The following ZFR variants were observed in gnomAD, a reference collection of about 807,000 sequenced individuals.
The protein encoded by ZFR is zinc finger RNA-binding protein.
Under a neutral mutation model 130.7 loss-of-function variants are expected in ZFR, and 19 were observed. That is an observed-to-expected ratio of 0.15 (90% CI 0.10 to 0.21). The LOEUF (loss-of-function observed/expected upper bound fraction) is 0.21, where lower values mean the gene tolerates loss of function less well. Ranked by LOEUF, ZFR falls within the 10% of genes least tolerant of loss-of-function variation. ZFR has a pLI of 1.00. For synonymous variants in ZFR, 466 were observed against 456.9 expected (o/e 1.02, Z -0.25); for missense variants, 872 against 1,321.5 (o/e 0.66, Z 5.27).
chr5:32,418,153 G>A (rs577723784), intron 3 of ZFR, among the ~76,000 whole-genome samples: 2 of 151,954 alleles, frequency 1.3e-5, no homozygotes, highest in East Asian at 1.9e-4. Flanking sequence ...CCAGCTACTC[G>A]GGAGGCTGAG....
chr5:32,444,035 G>GCGGGC (rs1196893381), intron 2 of ZFR, among the ~76,000 whole-genome samples, 194 bp downstream of exon 2: 1,532 of 145,354 alleles, frequency 0.011, 30 homozygotes, highest in African/African-American at 0.035. Flanking sequence ...GCTCCCCGCC[G>GCGGGC]CGGGCCGGGC....
chr5:32,440,943 T>G (rs1174934533), intron 2 of ZFR, among the ~76,000 whole-genome samples: 1 of 152,194 alleles, frequency 6.6e-6, no homozygotes, highest in East Asian at 1.9e-4. Flanking sequence ...CTTACAGAAC[T>G]GTAATCAAGA....
intron 19 of ZFR, among the ~76,000 whole-genome samples, chr5:32,356,498 C>T (rs957776771): frequency 5.3e-5 from 8 of 151,784 alleles, no homozygotes; most frequent in South Asian, 2.1e-4. Flanking sequence ...CTGCAAGCTC[C>T]GCCTCCCGGG....
intron 9 of ZFR, 53 bp from the exon 10 acceptor site, chr5:32,397,391 C>G (rs894757907): frequency 3.2e-6 from 5 of 1,580,498 alleles, no homozygotes; most frequent in Non-Finnish European, 3.4e-6. Context: ...TTATATCATT[C>G]ATAAACCCCC....
chr5:32,441,521 A>C (rs1028367921), intron 2 of ZFR, among the ~76,000 whole-genome samples: 12 of 152,058 alleles, frequency 7.9e-5, no homozygotes, highest in African/African-American at 2.9e-4. Context: ...TTGATTGGAA[A>C]AAAAAAAAAA....
intron 2 of ZFR, among the ~76,000 whole-genome samples, chr5:32,443,506 T>C (rs368410): frequency 0.94 from 142,480 of 152,374 alleles, 66,691 homozygotes; most frequent in African/African-American, 0.97. Context: ...CACTCATTTA[T>C]CAGCACTAGA....
At chr5:32,405,137 G>T (rs1238631478) in intron 6 of ZFR, among the ~76,000 whole-genome samples, 1 of 152,156 alleles carries the variant, frequency 6.6e-6, no homozygotes, top group African/African-American at 2.4e-5. Context: ...AGCTGGATGG[G>T]ACTTTCCTTT....
intron 17 of ZFR, among the ~76,000 whole-genome samples, chr5:32,374,585 T>C (rs1013007313): frequency 2.0e-5 from 3 of 152,074 alleles, no homozygotes; most frequent in Non-Finnish European, 2.9e-5. Context: ...TTAAAATCTA[T>C]TAAGAATCTA....
chr5:32,364,326 C>G lies in ZFR; in HGVS notation c.2836-51G>C, dbSNP rs746709163. On this transcript the variant is annotated intron_variant, in intron 17 of 19. Coordinates refer to ENST00000265069, the MANE Select transcript of ZFR (RefSeq NM_016107.5). ...TTAACAGCTTACCAAAGGAATTACT[C>G]ATTTTCAAACTAAAATTTTAAAGAC... 6 of 1,417,616 alleles carry G rather than the reference C, an allele frequency of 4.2e-6. No homozygotes were observed. The South Asian group carries it at 8.4e-5, about 20-fold the overall frequency. The allele number at this position is 1,417,616 out of a possible 1,614,324, so 87.8% of individuals were successfully genotyped here.
At chr5:32,377,233 T>TCC (rs761224495) in intron 17 of ZFR, among the ~76,000 whole-genome samples, 1 of 147,552 alleles carries the variant, frequency 6.8e-6, no homozygotes, top group Non-Finnish European at 1.5e-5. Context: ...TCTCTCTCTC[T>TCC]CCTCTCTCTC....
At chr5:32,396,110 T>G (rs1364663150) in intron 10 of ZFR, among the ~76,000 whole-genome samples, 1 of 151,676 alleles carries the variant, frequency 6.6e-6, no homozygotes, top group Non-Finnish European at 1.5e-5. Flanking sequence ...TCCCAGTTAC[T>G]TGGGAGGCTG....
At chr5:32,421,059 C>T (rs773414166) in intron 2 of ZFR, among the ~76,000 whole-genome samples, 2 of 152,174 alleles carry the variant, frequency 1.3e-5, no homozygotes, top group Non-Finnish European at 2.9e-5. Context: ...AAAGTTCTTA[C>T]AGGAATATGT....
chr5:32,440,465 T>C (rs1203395071), intron 2 of ZFR, among the ~76,000 whole-genome samples: 1 of 151,980 alleles, frequency 6.6e-6, no homozygotes. Context: ...CTGGCCAACA[T>C]GGTGAAACTC....
At chr5:32,438,253 ATTTTTTTT>A (rs869249272) in intron 2 of ZFR, among the ~76,000 whole-genome samples, 2 of 61,046 alleles carry the variant, frequency 3.3e-5, no homozygotes, top group Non-Finnish European at 3.0e-5. Context: ...TTATCTGAAA[ATTTTTTTT>A]TTTTTTTTTT....
chr5:32,379,617 G>C (rs1212051844), intron 16 of ZFR: 2 of 221,086 alleles, frequency 9.0e-6, no homozygotes, highest in East Asian at 2.7e-4. Context: ...TGACTGCAAA[G>C]TCACTAAACC....
intron 2 of ZFR, among the ~76,000 whole-genome samples, chr5:32,423,855 G>A (rs1026117839): frequency 2.0e-5 from 3 of 152,140 alleles, no homozygotes; most frequent in African/African-American, 7.2e-5. Context: ...TAACACTAAA[G>A]CAAGAAGATA....
At chr5:32,369,616 G>A (rs949217379) in intron 17 of ZFR, among the ~76,000 whole-genome samples, 3 of 152,006 alleles carry the variant, frequency 2.0e-5, no homozygotes, top group African/African-American at 7.2e-5. Flanking sequence ...GACCAGGCTG[G>A]GCAAGATAGT....
chr5:32,383,887 G>A (rs563321533), intron 15 of ZFR: 243 of 438,438 alleles, frequency 5.5e-4, no homozygotes, highest in Non-Finnish European at 9.6e-4. Context: ...TTTCAGCTCA[G>A]TGTCTTGAAG....
chr5:32,421,540 A>G lies in ZFR; in HGVS notation c.138-1437T>C, dbSNP rs573308480. 2.6e-5 allele frequency among the ~76,000 whole-genome samples: 4 copies of G among 152,286 alleles called. No individual in the cohort carries two copies. In the South Asian group the frequency reaches 8.3e-4, roughly 32 times the overall value. The stretch of plus-strand genomic sequence containing the variant: ...GGGAATCAATGTGAAGGTCAGAGAT[A>G]TGGGTTTTAATTTCATATAAAAAGG... On this transcript the variant is annotated intron_variant, in intron 2 of 19. Transcript: ENST00000265069.
Sources: allele counts gnomAD v4.1 joint callset (sites outside exome capture counted in the v4.1 genomes callset), GRCh38; gene constraint gnomAD v4.1.1; transcripts MANE v1.5; gene names NCBI Gene and HGNC (gene_info 2026-07-23, HGNC 2026-07-21).